The following METTL8 variants were observed in gnomAD, a reference collection of about 807,000 sequenced individuals.
METTL8 encodes methyltransferase 8, tRNA N3-cytidine.
A neutral mutation model predicts 48.7 loss-of-function variants in METTL8; 32 were observed. That is an observed-to-expected ratio of 0.66 (90% CI 0.50 to 0.88). METTL8 has a LOEUF of 0.88. Among genes scored for constraint, METTL8 ranks in the 40% least tolerant of loss-of-function variants. The pLI is 0.00. For synonymous variants in METTL8, 136 were observed against 157.1 expected (o/e 0.87, Z 1.01); for missense variants, 464 against 474.4 (o/e 0.98, Z 0.20).
intron 2 of METTL8, among the ~76,000 whole-genome samples, chr2:171,378,414 A>G (rs1295457715): frequency 6.6e-6 from 1 of 152,144 alleles, no homozygotes; most frequent in African/African-American, 2.4e-5. Flanking sequence ...TGGGTGGATC[A>G]TGAGGTCAGG....
chr2:171,340,007 GC>G (rs1686547329), intron 3 of METTL8, among the ~76,000 whole-genome samples: 1 of 151,846 alleles, frequency 6.6e-6, no homozygotes, highest in African/African-American at 2.4e-5. Context: ...GACCAGCCTG[GC>G]CAACATAGTG....
chr2:171,375,856 G>C (rs1422487808), intron 2 of METTL8, among the ~76,000 whole-genome samples: 1 of 152,152 alleles, frequency 6.6e-6, no homozygotes, highest in Non-Finnish European at 1.5e-5. Context: ...AAATACAAGT[G>C]AATCTACAAT....
At chr2:171,363,593 T>C (rs1685383175) in intron 2 of METTL8, among the ~76,000 whole-genome samples, 1 of 151,508 alleles carries the variant, frequency 6.6e-6, no homozygotes, top group Non-Finnish European at 1.5e-5. Flanking sequence ...AGGGAAATAT[T>C]TGTATGAAGA....
Position 171,371,332 on chromosome 2 carries a change from A to AGTTTTT in METTL8, c.144-10825_144-10820dup, listed in dbSNP as rs200012855. Among the ~76,000 whole-genome samples, 212 of 151,966 alleles carry AGTTTTT rather than the reference A, an allele frequency of 1.4e-3. 3 individuals carry two copies. In the East Asian group the frequency reaches 0.015, roughly 10 times the overall value. On this transcript the variant is annotated intron_variant, in intron 2 of 9. Coordinates refer to ENST00000375258, the MANE Select transcript of METTL8 (RefSeq NM_001321154.2). Reference sequence around the variant, plus strand: ...AGTTGGTTACTGTTATTAGTAAATTAGTTTTTGTTTTGTTTTCATTTTTCA... The same window carrying AGTTTTT: ...AGTTGGTTACTGTTATTAGTAAATTAGTTTTTGTTTTTGTTTTGTTTTCATTTTTCA...
intron 7 of METTL8, chr2:171,326,384 AG>A (rs1684960812): frequency 2.2e-6 from 1 of 445,894 alleles, no homozygotes; most frequent in African/African-American, 2.0e-5. Context: ...CCAAATGATC[AG>A]AGTGGTAACT....
At chr2:171,400,547 C>G (rs1196174791) in intron 1 of METTL8, among the ~76,000 whole-genome samples, 3 of 152,152 alleles carry the variant, frequency 2.0e-5, no homozygotes, top group Non-Finnish European at 2.9e-5. Context: ...TAGGAAAGCA[C>G]AGTCATTCTC....
intron 2 of METTL8, among the ~76,000 whole-genome samples, chr2:171,386,959 A>G (rs1688115006): frequency 6.6e-6 from 1 of 152,114 alleles, no homozygotes; most frequent in Admixed American, 6.5e-5. Context: ...CAGCCAGAGG[A>G]GAGCCCAGTC....
chr2:171,392,697 T>C (rs1171687402), intron 1 of METTL8, among the ~76,000 whole-genome samples: 1 of 152,174 alleles, frequency 6.6e-6, no homozygotes, highest in Non-Finnish European at 1.5e-5. Context: ...GTCAAATAAA[T>C]AAATATTAAG....
upstream of METTL8, chr2:171,434,512 C>T (rs1220885191): frequency 1.3e-6 from 2 of 1,523,950 alleles, no homozygotes; most frequent in Non-Finnish European, 1.8e-6. Context: ...CGGCGGCTGC[C>T]CAGCACGGGA....
chr2:171,357,720 G>T (rs1575824903), intron 3 of METTL8, among the ~76,000 whole-genome samples: 1 of 150,980 alleles, frequency 6.6e-6, no homozygotes. Flanking sequence ...TTTGAGACAG[G>T]TTCTCGCTCT....
chr2:171,389,167 G>C (rs1688349067), intron 2 of METTL8, among the ~76,000 whole-genome samples: 1 of 152,142 alleles, frequency 6.6e-6, no homozygotes, highest in African/African-American at 2.4e-5. Flanking sequence ...ACAAAACCTA[G>C]GCCTCTAGCA....
intron 3 of METTL8, among the ~76,000 whole-genome samples, chr2:171,347,400 T>C (rs1683391361): frequency 5.3e-5 from 8 of 152,094 alleles, no homozygotes; most frequent in Admixed American, 4.6e-4. Context: ...AAAATAACCT[T>C]CTCATTAGCT....
chr2:171,417,696 T>C (rs1463696577), intron 1 of METTL8, among the ~76,000 whole-genome samples: 1 of 152,226 alleles, frequency 6.6e-6, no homozygotes, highest in South Asian at 2.1e-4. Flanking sequence ...ATATTCCTGC[T>C]GCATTTTTAA....
intron 3 of METTL8, among the ~76,000 whole-genome samples, chr2:171,351,148 T>G (rs1683869101): frequency 6.6e-6 from 1 of 152,234 alleles, no homozygotes; most frequent in Admixed American, 6.5e-5. Context: ...GTATAAGGTA[T>G]AAGGAAGGGA....
At chr2:171,329,526 T>A (rs1685308005) in intron 7 of METTL8, among the ~76,000 whole-genome samples, 1 of 152,150 alleles carries the variant, frequency 6.6e-6, no homozygotes, top group South Asian at 2.1e-4. Context: ...TCTAAACAGA[T>A]TAGCAGAAAG....
At chr2:171,367,133 C>G (rs1036117234) in intron 2 of METTL8, among the ~76,000 whole-genome samples, 1 of 151,656 alleles carries the variant, frequency 6.6e-6, no homozygotes, top group African/African-American at 2.4e-5. Context: ...TAAAGAAATA[C>G]TAAAATTTTT....
At chr2:171,324,585 G>A (rs927077475) in intron 9 of METTL8, among the ~76,000 whole-genome samples, 4 of 152,104 alleles carry the variant, frequency 2.6e-5, no homozygotes, top group African/African-American at 9.7e-5. Flanking sequence ...GACTAACACG[G>A]CAGACATCAA....
chr2:171,339,572 A>C lies in METTL8; in HGVS notation c.236-18T>G. 1 of 1,355,406 alleles carries C rather than the reference A, an allele frequency of 7.4e-7. No individual in the cohort carries two copies. Among genetic ancestry groups the C allele is most frequent in the East Asian group, 2.3e-5 (1 of 43,230 alleles). 84.0% of individuals were successfully genotyped at this position (1,355,406 alleles called of 1,614,324 possible). On this transcript the variant is annotated intron_variant, in intron 3 of 9. Coordinates refer to ENST00000375258, the MANE Select transcript of METTL8 (RefSeq NM_001321154.2). The stretch of plus-strand genomic sequence containing the variant: ...ATACTTAACTAAAATAAAGAGGAAA[A>C]AGAAAGATTTATTTTACTACGAATT...
chr2:171,430,343 G>A (rs1354029504), intron 1 of METTL8, among the ~76,000 whole-genome samples: 1 of 151,800 alleles, frequency 6.6e-6, no homozygotes, highest in East Asian at 1.9e-4. Context: ...GGACAACAGA[G>A]CAAGACTCCA....
Sources: allele counts gnomAD v4.1 joint callset (sites outside exome capture counted in the v4.1 genomes callset), GRCh38; gene constraint gnomAD v4.1.1; transcripts MANE v1.5; gene names NCBI Gene and HGNC (gene_info 2026-07-23, HGNC 2026-07-21).